ITGA4: variants seen among roughly 807,000 people sequenced by gnomAD.
The protein encoded by ITGA4 is integrin alpha-4.
Under a neutral mutation model 133.6 loss-of-function variants are expected in ITGA4, and 63 were observed. The ratio of observed to expected loss-of-function variants is 0.47; its 90% confidence interval spans 0.38 to 0.58. ITGA4 has a LOEUF of 0.58. Ranked by LOEUF, ITGA4 falls within the 20% of genes least tolerant of loss-of-function variation. ITGA4 has a pLI of 0.00. For synonymous variants in ITGA4, 483 were observed against 438.0 expected (o/e 1.10, Z -1.28); for missense variants, 1,076 against 1,252.7 (o/e 0.86, Z 2.13).
intron 18 of ITGA4, among the ~76,000 whole-genome samples, chr2:181,522,825 C>T (rs968483512): frequency 6.6e-6 from 1 of 152,186 alleles, no homozygotes; most frequent in Non-Finnish European, 1.5e-5. Context: ...ATATCTGTTA[C>T]CTTCTTTCTC....
intron 15 of ITGA4, among the ~76,000 whole-genome samples, chr2:181,499,692 T>A (rs1686228012): frequency 6.6e-6 from 1 of 152,174 alleles, no homozygotes; most frequent in Non-Finnish European, 1.5e-5. Context: ...TGTACTAGAA[T>A]AAACCTATTA....
intron 9 of ITGA4, among the ~76,000 whole-genome samples, chr2:181,484,555 C>T (rs1424172847): frequency 6.6e-6 from 1 of 152,166 alleles, no homozygotes; most frequent in Admixed American, 6.5e-5. Flanking sequence ...TCATTCACTG[C>T]TTCAGTGTCA....
At chr2:181,469,795 C>T (rs1299271620) in intron 2 of ITGA4, among the ~76,000 whole-genome samples, 1 of 152,078 alleles carries the variant, frequency 6.6e-6, no homozygotes, top group Non-Finnish European at 1.5e-5. Context: ...AATCATCATT[C>T]TCAGTAAACT....
At chr2:181,501,914 T>G (rs2105749971) in intron 15 of ITGA4, among the ~76,000 whole-genome samples, 1 of 152,188 alleles carries the variant, frequency 6.6e-6, no homozygotes, top group African/African-American at 2.4e-5. Context: ...TTAATATATC[T>G]TTGGCATATG....
Position 181,537,249 on chromosome 2 carries a change from ATTTGGTTCTTT to A in ITGA4, c.*1723_*1733del. 2.2e-6 allele frequency: 1 copy of A among 453,842 alleles called. No individual in the cohort carries two copies. Among genetic ancestry groups the A allele is most frequent in the South Asian group, 1.6e-5 (1 of 64,466 alleles). The allele number at this position is 453,842 out of a possible 1,614,324, so 28.1% of individuals were successfully genotyped here. On this transcript the variant is annotated 3_prime_UTR_variant, in exon 28 of 28. Transcript: ENST00000397033. The stretch of plus-strand genomic sequence containing the variant: ...CAGGATGGTCTCTAAGGAAATTTAC[ATTTGGTTCTTT>A]CCTACTCAGAACTACTCAGAAACAA...
At chr2:181,524,069 T>G (rs1686783079) in intron 19 of ITGA4, 102 bp from the exon 20 acceptor site, 1 of 727,648 alleles carries the variant, frequency 1.4e-6, no homozygotes, top group Non-Finnish European at 2.3e-6. Flanking sequence ...AATGGTTCAA[T>G]TCTACATTCC....
Position 181,482,407 on chromosome 2 carries a change from A to G in ITGA4, c.888A>G (p.Glu296=). The change falls in exon 8 of 28, where the codon GAA becomes GAG. Residue 296 remains glutamate (E), a synonymous_variant. Transcript: ENST00000397033. ...AAAAAGAACTAAATATCTTACATGA[A>G]ATGAAAGGTAAAAAGGTAATATGTC... The part of the protein sequence containing the change: ...IDEKELNILH[E]MKGKKLGSYF... 1.9e-6 allele frequency: 3 copies of G among 1,613,158 alleles called. No homozygotes were observed. Among genetic ancestry groups the G allele is most frequent in the Non-Finnish European group, 2.5e-6 (3 of 1,179,408 alleles).
At chr2:181,465,009 T>C (rs1685378397) in intron 2 of ITGA4, among the ~76,000 whole-genome samples, 1 of 152,056 alleles carries the variant, frequency 6.6e-6, no homozygotes, top group Admixed American at 6.6e-5. Context: ...GTTCAGAAAA[T>C]AGATTGTAGA....
chr2:181,529,534 T>G lies in ITGA4; in HGVS notation c.2431-7T>G. 1 of 1,505,242 alleles carries G rather than the reference T, an allele frequency of 6.6e-7. No individual in the cohort carries two copies. The highest frequency in any genetic ancestry group is 2.3e-5 in the East Asian group (1 of 44,134). 93.2% of individuals were successfully genotyped at this position (1,505,242 alleles called of 1,614,324 possible). ...TAATTTGTTAAAAAATTTTTCCTTC[T>G]TATCAGGTTATCAACACTGGCAATA... On this transcript the variant is annotated splice_polypyrimidine_tract_variant and splice_region_variant and intron_variant, in intron 22 of 27. Coordinates refer to ENST00000397033, the MANE Select transcript of ITGA4 (RefSeq NM_000885.6).
At chr2:181,470,078 G>A (rs115610786) in intron 2 of ITGA4, among the ~76,000 whole-genome samples, 78 of 151,788 alleles carry the variant, frequency 5.1e-4, no homozygotes, top group African/African-American at 1.9e-3. Flanking sequence ...AAAAAAAAAA[G>A]ATATAAATGT....
At chr2:181,486,133 G>C in intron 10 of ITGA4, 141 bp downstream of exon 10, 1 of 1,074,200 alleles carries the variant, frequency 9.3e-7, no homozygotes, top group Non-Finnish European at 1.3e-6. Context: ...CTTTTCTTTA[G>C]TGTTATATAT....
intron 15 of ITGA4, among the ~76,000 whole-genome samples, chr2:181,503,841 C>T (rs1249752647): frequency 1.3e-5 from 2 of 151,714 alleles, no homozygotes; most frequent in Non-Finnish European, 2.9e-5. Flanking sequence ...TTTGTTTTTG[C>T]TTTATTTAAA....
At chr2:181,487,694 A>G (rs1008034074) in intron 10 of ITGA4, among the ~76,000 whole-genome samples, 1 of 152,238 alleles carries the variant, frequency 6.6e-6, no homozygotes, top group Non-Finnish European at 1.5e-5. Context: ...TATTTATTGA[A>G]CATTTATTTT....
Position 181,480,646 on chromosome 2 carries a change from T to G in ITGA4, c.754+380T>G, listed in dbSNP as rs769103598. Among the ~76,000 whole-genome samples, 86 of 152,238 alleles carry G rather than the reference T, an allele frequency of 5.6e-4. 1 individual carries two copies. Among genetic ancestry groups the G allele is most frequent in the Admixed American group, 9.2e-4 (14 of 15,276 alleles). On this transcript the variant is annotated intron_variant, in intron 6 of 27. Transcript: ENST00000397033. The stretch of plus-strand genomic sequence containing the variant: ...TTGTGAGAACTTTACATGAATTAAC[T>G]CATTTAAACATCTGCATAAGTAAGT...
In ITGA4 at chr2:181,488,846, C is replaced by CCG. The variant is rs1418411100; in HGVS notation, c.1153+2854_1153+2855insCG. ...ATGCTGGGATTACAGGCATGAGCCA[C>CCG]TGCACCCAGCCCTCCAGTTCTAATT... On this transcript the variant is annotated intron_variant, in intron 10 of 27. Coordinates refer to ENST00000397033, the MANE Select transcript of ITGA4 (RefSeq NM_000885.6). 4.9e-3 allele frequency among the ~76,000 whole-genome samples: 745 copies of CCG among 152,310 alleles called. 1 individual carries two copies. Among genetic ancestry groups the CCG allele is most frequent in the African/African-American group, 0.017 (702 of 41,562 alleles).
In ITGA4 at chr2:181,537,235, C is replaced by CTAAGGAAATTTACATTT; in HGVS notation, c.*1709_*1725dup. ...AGAACTGTCTTCTCCAGGATGGTCT[C>CTAAGGAAATTTACATTT]TAAGGAAATTTACATTTGGTTCTTT... On this transcript the variant is annotated 3_prime_UTR_variant, in exon 28 of 28. Coordinates refer to ENST00000397033, the MANE Select transcript of ITGA4 (RefSeq NM_000885.6). The CTAAGGAAATTTACATTT allele has an allele frequency of 2.2e-6, 1 of 453,686 alleles. No individual in the cohort carries two copies. Among genetic ancestry groups the CTAAGGAAATTTACATTT allele is most frequent in the South Asian group, 1.6e-5 (1 of 64,472 alleles). 28.1% of individuals were successfully genotyped at this position (453,686 alleles called of 1,614,324 possible).
rs1026889154 is a variant in ITGA4 at position 181,536,116 on chromosome 2, A to G, written c.*589A>G. The G allele has an allele frequency of 6.6e-6, 1 of 152,002 alleles. No homozygotes were observed. The highest frequency in any genetic ancestry group is 1.5e-5 in the Non-Finnish European group (1 of 67,964). 9.4% of individuals were successfully genotyped at this position (152,002 alleles called of 1,614,324 possible). ...TTCAGCAGACTATGAATATTATAGT[A>G]TTATAGGCCAAACTGGCAAACTTCA... On this transcript the variant is annotated 3_prime_UTR_variant, in exon 28 of 28. Coordinates refer to ENST00000397033, the MANE Select transcript of ITGA4 (RefSeq NM_000885.6).
At chr2:181,513,361 T>A (rs1186961035) in intron 17 of ITGA4, among the ~76,000 whole-genome samples, 2 of 152,102 alleles carry the variant, frequency 1.3e-5, no homozygotes, top group East Asian at 3.9e-4. Flanking sequence ...TATCCAGGAA[T>A]GACATGGACA....
intron 2 of ITGA4, among the ~76,000 whole-genome samples, chr2:181,472,232 A>G (rs1685570821): frequency 6.6e-6 from 1 of 152,250 alleles, no homozygotes; most frequent in Admixed American, 6.5e-5. Context: ...TTAGAAATTT[A>G]CAAAACAGTT....
Sources: allele counts gnomAD v4.1 joint callset (sites outside exome capture counted in the v4.1 genomes callset), GRCh38; gene constraint gnomAD v4.1.1; transcripts MANE v1.5; gene names NCBI Gene and HGNC (gene_info 2026-07-23, HGNC 2026-07-21).